The following SARNP variants were observed in gnomAD, a reference collection of about 807,000 sequenced individuals.
SARNP encodes the protein SAP domain-containing ribonucleoprotein.
Under a neutral mutation model 38.1 loss-of-function variants are expected in SARNP, and 5 were observed. That is an observed-to-expected ratio of 0.13 (90% CI 0.07 to 0.28). The LOEUF (loss-of-function observed/expected upper bound fraction) is 0.28. Ranked by LOEUF, SARNP falls within the 10% of genes least tolerant of loss-of-function variation. The pLI, the probability that SARNP is intolerant of heterozygous loss-of-function variation, is 1.00. For synonymous variants in SARNP, 84 were observed against 80.6 expected (o/e 1.04, Z -0.23); for missense variants, 180 against 243.9 (o/e 0.74, Z 1.75).
chr12:55,761,163 G>A (rs1466229610), intron 9 of SARNP, among the ~76,000 whole-genome samples: 3 of 151,146 alleles, frequency 2.0e-5, no homozygotes, highest in Non-Finnish European at 4.4e-5. Context: ...GTGACAGAGT[G>A]AGACTCTGTC....
intron 7 of SARNP, among the ~76,000 whole-genome samples, chr12:55,791,020 T>C (rs1204475964): frequency 2.0e-5 from 3 of 152,104 alleles, no homozygotes; most frequent in Non-Finnish European, 4.4e-5. Context: ...ACAATAAAAA[T>C]GAATAGAGAT....
intron 1 of SARNP, among the ~76,000 whole-genome samples, chr12:55,811,170 T>C (rs1880316838): frequency 6.6e-6 from 1 of 152,148 alleles, no homozygotes; most frequent in Non-Finnish European, 1.5e-5. Flanking sequence ...AGACCACCTA[T>C]AACATATATG....
At chr12:55,790,116 A>G (rs1329283411) in intron 8 of SARNP, among the ~76,000 whole-genome samples, 1 of 151,948 alleles carries the variant, frequency 6.6e-6, no homozygotes, top group Non-Finnish European at 1.5e-5. Context: ...ATGGTCCAGA[A>G]AGCCATTTTA....
chr12:55,770,360 G>A (rs908424022), intron 9 of SARNP, among the ~76,000 whole-genome samples: 1 of 150,948 alleles, frequency 6.6e-6, no homozygotes, highest in East Asian at 1.9e-4. Flanking sequence ...CGAGTAGCTG[G>A]GACTTACAGG....
chr12:55,812,944 TTTAGC>T (rs1014334149), intron 1 of SARNP, among the ~76,000 whole-genome samples: 5 of 152,090 alleles, frequency 3.3e-5, no homozygotes, highest in African/African-American at 1.2e-4. Flanking sequence ...TCAGATAGCG[TTTAGC>T]TGATTTTTTT....
intron 9 of SARNP, among the ~76,000 whole-genome samples, chr12:55,773,570 C>T (rs1879073876): frequency 6.6e-6 from 1 of 152,158 alleles, no homozygotes; most frequent in African/African-American, 2.4e-5. Flanking sequence ...CGTGCCAAAA[C>T]AAGATCAGGG....
At chr12:55,797,543 TG>T (rs1879855541) in intron 4 of SARNP, among the ~76,000 whole-genome samples, 2 of 152,342 alleles carry the variant, frequency 1.3e-5, no homozygotes, top group Admixed American at 6.5e-5. Flanking sequence ...ATGTTTTACT[TG>T]AAATCCAATG....
intron 4 of SARNP, among the ~76,000 whole-genome samples, chr12:55,796,788 A>G (rs928054347): frequency 6.6e-6 from 1 of 152,028 alleles, no homozygotes; most frequent in Admixed American, 6.6e-5. Flanking sequence ...ATTAATAAGT[A>G]CTCTACAAGG....
intron 9 of SARNP, among the ~76,000 whole-genome samples, chr12:55,779,983 C>CA: frequency 6.6e-6 from 1 of 152,070 alleles, no homozygotes; most frequent in South Asian, 2.1e-4. Context: ...CCTGTCTCCA[C>CA]AAAAAAATTG....
At chr12:55,774,517 T>G (rs1279335517) in intron 9 of SARNP, among the ~76,000 whole-genome samples, 2 of 140,992 alleles carry the variant, frequency 1.4e-5, no homozygotes, top group African/African-American at 5.5e-5. Flanking sequence ...GGTCAAGAGT[T>G]CAAGACCAGC....
intron 9 of SARNP, among the ~76,000 whole-genome samples, chr12:55,775,182 C>A (rs1879139066): frequency 6.7e-6 from 1 of 149,332 alleles, no homozygotes; most frequent in Non-Finnish European, 1.5e-5. Flanking sequence ...CCACCACGCC[C>A]AGCCACACAT....
intron 9 of SARNP, chr12:55,760,876 G>A (rs1565669611): frequency 2.3e-6 from 1 of 435,084 alleles, no homozygotes; most frequent in African/African-American, 2.0e-5. Context: ...AAGACAAGTA[G>A]GGTAAAGAAA....
At chr12:55,794,308 A>G (rs762224659) in intron 7 of SARNP, 51 bp downstream of exon 7, 11 of 1,499,164 alleles carry the variant, frequency 7.3e-6, no homozygotes, top group Admixed American at 3.4e-5. Flanking sequence ...GTTATACCAG[A>G]AAAGAAAGAA....
At chr12:55,757,998 A>G (rs1878564622) in intron 10 of SARNP, among the ~76,000 whole-genome samples, 1 of 152,206 alleles carries the variant, frequency 6.6e-6, no homozygotes, top group Non-Finnish European at 1.5e-5. Flanking sequence ...TGCCCTTCTG[A>G]GCAGTCAGGC....
chr12:55,804,682 T>C (rs1172316448), intron 1 of SARNP, among the ~76,000 whole-genome samples: 1 of 152,102 alleles, frequency 6.6e-6, no homozygotes, highest in Non-Finnish European at 1.5e-5. Flanking sequence ...GTAATGGCCT[T>C]ACTGGGCTCT....
chr12:55,783,772 A>C (rs1161635340), intron 9 of SARNP, among the ~76,000 whole-genome samples: 1 of 152,006 alleles, frequency 6.6e-6, no homozygotes, highest in East Asian at 1.9e-4. Flanking sequence ...TAAAATATGA[A>C]GAGGAGATGA....
At position 55,775,627 on chromosome 12, in the gene SARNP, A is replaced by T. The variant is rs140201172; in HGVS notation, c.501+13448T>A. On this transcript the variant is annotated intron_variant, in intron 9 of 10. Coordinates refer to ENST00000336133, the MANE Select transcript of SARNP (RefSeq NM_033082.4). ...GAAGAAAGGAGTTAAAATTTTCTAGATCTTAACAAGGGACTTCATATTATA... is the reference window on the plus strand; with the variant it reads ...GAAGAAAGGAGTTAAAATTTTCTAGTTCTTAACAAGGGACTTCATATTATA... Among the ~76,000 whole-genome samples the T allele has an allele frequency of 2.4e-3, 368 of 152,090 alleles. 2 individuals carry two copies. Among genetic ancestry groups the T allele is most frequent in the African/African-American group, 8.7e-3 (359 of 41,500 alleles).
intron 9 of SARNP, among the ~76,000 whole-genome samples, chr12:55,764,468 T>C (rs1878765788): frequency 1.4e-5 from 2 of 147,404 alleles, no homozygotes; most frequent in South Asian, 4.3e-4. Context: ...GAGGTGGAGG[T>C]TGCGGTGAGC....
intron 9 of SARNP, among the ~76,000 whole-genome samples, chr12:55,776,411 G>A (rs1480656996): frequency 2.0e-5 from 3 of 152,084 alleles, no homozygotes; most frequent in Non-Finnish European, 4.4e-5. Context: ...CTATAAGTGA[G>A]ACCACATCTT....
Sources: allele counts gnomAD v4.1 joint callset (sites outside exome capture counted in the v4.1 genomes callset), GRCh38; gene constraint gnomAD v4.1.1; transcripts MANE v1.5; gene names NCBI Gene and HGNC (gene_info 2026-07-23, HGNC 2026-07-21).